The following PLCXD3 variants were observed in gnomAD, a reference collection of about 807,000 sequenced individuals.
PLCXD3 encodes the protein phosphatidylinositol specific phospholipase C X domain containing 3, also known as PI-PLC X domain-containing protein 3.
A neutral mutation model predicts 25.5 loss-of-function variants in PLCXD3; 19 were observed. That is an observed-to-expected ratio of 0.75 (90% CI 0.52 to 1.09). The LOEUF (loss-of-function observed/expected upper bound fraction) is 1.09. Ranked by LOEUF, PLCXD3 falls within the 50% of genes least tolerant of loss-of-function variation. The probability of loss-of-function intolerance (pLI) is 0.00; values close to 1 mark genes in which losing one functional copy is unlikely to be tolerated. For synonymous variants in PLCXD3, 174 were observed against 137.6 expected, an observed-to-expected ratio of 1.26 and a Z score of -1.85; for missense variants, 411 against 388.1, an observed-to-expected ratio of 1.06 and a Z score of -0.50.
chr5:41,486,259 C>A (rs1255932820), intron 1 of PLCXD3, among the ~76,000 whole-genome samples: 1 of 151,650 alleles, frequency 6.6e-6, no homozygotes, highest in Non-Finnish European at 1.5e-5. Context: ...TTATCTCTGT[C>A]AATATATATT....
At chr5:41,478,370 T>G (rs1208184417) in intron 1 of PLCXD3, among the ~76,000 whole-genome samples, 22 of 152,202 alleles carry the variant, frequency 1.4e-4, no homozygotes, top group Non-Finnish European at 1.5e-5. Context: ...ATTTGGTCCC[T>G]TACCAGAACA....
At chr5:41,422,028 AC>A (rs1746841082) in intron 1 of PLCXD3, among the ~76,000 whole-genome samples, 1 of 152,124 alleles carries the variant, frequency 6.6e-6, no homozygotes, top group Non-Finnish European at 1.5e-5. Flanking sequence ...GAAGATATCA[AC>A]CTACCTTTAA....
At chr5:41,408,567 T>A (rs944681797) in intron 1 of PLCXD3, among the ~76,000 whole-genome samples, 22 of 152,200 alleles carry the variant, frequency 1.4e-4, no homozygotes, top group African/African-American at 3.9e-4. Flanking sequence ...AACTTTTTTT[T>A]AAAACAAAAA....
At chr5:41,373,598 A>C (rs981530116) in intron 2 of PLCXD3, among the ~76,000 whole-genome samples, 8 of 152,054 alleles carry the variant, frequency 5.3e-5, no homozygotes, top group Admixed American at 2.6e-4. Flanking sequence ...CGCAGGCCGC[A>C]ATCCTTTGTA....
chr5:41,490,908 G>A (rs1185904971), intron 1 of PLCXD3, among the ~76,000 whole-genome samples: 2 of 151,992 alleles, frequency 1.3e-5, no homozygotes, highest in African/African-American at 4.8e-5. Context: ...TTAATTTTTT[G>A]AAGGGTTTTT....
intron 2 of PLCXD3, among the ~76,000 whole-genome samples, chr5:41,380,069 G>A (rs964597855): frequency 6.6e-6 from 1 of 151,822 alleles, no homozygotes; most frequent in South Asian, 2.1e-4. Context: ...TTTCACCATC[G>A]AGAAATGCCA....
chr5:41,393,085 G>A (rs1745884569), intron 1 of PLCXD3, among the ~76,000 whole-genome samples: 1 of 152,106 alleles, frequency 6.6e-6, no homozygotes, highest in South Asian at 2.1e-4. Flanking sequence ...CACCAAAAGG[G>A]CAAATCTAAG....
intron 1 of PLCXD3, among the ~76,000 whole-genome samples, chr5:41,483,937 A>G (rs945155426): frequency 3.3e-5 from 5 of 152,152 alleles, no homozygotes; most frequent in South Asian, 2.1e-4. Context: ...TGATCTTGGT[A>G]TTCTCATACA....
intron 1 of PLCXD3, among the ~76,000 whole-genome samples, chr5:41,503,675 C>T (rs185950605): frequency 6.6e-6 from 1 of 152,278 alleles, no homozygotes; most frequent in East Asian, 1.9e-4. Flanking sequence ...AAATTTTTCA[C>T]TCACTTTTCC....
chr5:41,448,691 TC>T (rs1747560927), intron 1 of PLCXD3, among the ~76,000 whole-genome samples: 1 of 152,198 alleles, frequency 6.6e-6, no homozygotes, highest in Non-Finnish European at 1.5e-5. Flanking sequence ...TTTCCCTACC[TC>T]TTTTTTCACC....
chr5:41,450,693 G>A (rs1237940585), intron 1 of PLCXD3, among the ~76,000 whole-genome samples: 1 of 151,984 alleles, frequency 6.6e-6, no homozygotes, highest in African/African-American at 2.4e-5. Context: ...TCTTATCAGT[G>A]ACACATTTTC....
intron 1 of PLCXD3, among the ~76,000 whole-genome samples, chr5:41,386,106 A>G (rs1738073089): frequency 6.6e-6 from 1 of 152,138 alleles, no homozygotes; most frequent in Non-Finnish European, 1.5e-5. Context: ...CTTTGTAGTT[A>G]ATGAAGGGAC....
At chr5:41,348,938 CA>C (rs1189843195) in intron 2 of PLCXD3, among the ~76,000 whole-genome samples, 1 of 152,142 alleles carries the variant, frequency 6.6e-6, no homozygotes, top group Non-Finnish European at 1.5e-5. Context: ...CTAAAAAGGT[CA>C]AATAATAACC....
intron 2 of PLCXD3, among the ~76,000 whole-genome samples, chr5:41,325,736 A>G (rs1307835265): frequency 6.6e-6 from 1 of 152,200 alleles, no homozygotes; most frequent in Non-Finnish European, 1.5e-5. Context: ...CACCAATGTA[A>G]CAATTTTTAT....
At chr5:41,345,604 A>G (rs947575792) in intron 2 of PLCXD3, among the ~76,000 whole-genome samples, 1 of 152,158 alleles carries the variant, frequency 6.6e-6, no homozygotes. Flanking sequence ...TAGCTTATGC[A>G]AACAGTCAAA....
Position 41,410,141 on chromosome 5 carries a change from C to CTTTTT in PLCXD3, c.104-27612_104-27608dup, listed in dbSNP as rs5867553. Among the ~76,000 whole-genome samples, 308 of 121,406 alleles carry CTTTTT rather than the reference C, an allele frequency of 2.5e-3. 2 individuals are homozygous for CTTTTT. Among genetic ancestry groups the CTTTTT allele is most frequent in the African/African-American group, 8.9e-3 (291 of 32,768 alleles). The allele number at this position is 121,406 out of a possible 152,430, so 79.6% of individuals were successfully genotyped here. On this transcript the variant is annotated intron_variant, in intron 1 of 2. Transcript: ENST00000377801. ...CTAAAGCCCCCCTCCTTTTATTTAT[C>CTTTTT]TTTTTTTTTTTTTTTTGAGACGGAG...
intron 1 of PLCXD3, among the ~76,000 whole-genome samples, chr5:41,398,128 A>G (rs145345992): frequency 7.9e-5 from 12 of 152,304 alleles, no homozygotes; most frequent in African/African-American, 2.9e-4. Flanking sequence ...AGAACATGAG[A>G]TTTGAGAGGG....
intron 1 of PLCXD3, among the ~76,000 whole-genome samples, chr5:41,497,574 A>T (rs1163656560): frequency 3.3e-5 from 5 of 151,858 alleles, no homozygotes; most frequent in African/African-American, 1.2e-4. Flanking sequence ...TAGGCAACAT[A>T]CAGTAATAGG....
At chr5:41,327,542 A>T (rs1232229385) in intron 2 of PLCXD3, among the ~76,000 whole-genome samples, 1 of 152,190 alleles carries the variant, frequency 6.6e-6, no homozygotes, top group Non-Finnish European at 1.5e-5. Flanking sequence ...GCTTTAATTC[A>T]TTCATATTAC....
Sources: gnomAD v4.1 joint callset for allele counts (sites outside exome capture counted in the v4.1 genomes callset) on GRCh38, gnomAD v4.1.1 for gene constraint, MANE v1.5 for transcripts, NCBI Gene and HGNC (gene_info 2026-07-23, HGNC 2026-07-21) for gene names.